USP13: variants seen among roughly 807,000 people sequenced by gnomAD.
USP13 encodes ubiquitin carboxyl-terminal hydrolase 13.
In USP13, 68 loss-of-function variants were observed where a neutral mutation model predicts 107.8. The ratio of observed to expected loss-of-function variants is 0.63; its 90% CI spans 0.52 to 0.77. The LOEUF is 0.77. Among genes scored for constraint, USP13 ranks in the 30% least tolerant of loss-of-function variants. The pLI is 0.00. For synonymous variants in USP13, 377 were observed against 389.5 expected (o/e 0.97, Z 0.38); for missense variants, 945 against 1,093.3 (o/e 0.86, Z 1.91).
Position 179,713,581 on chromosome 3 carries a change from C to T in USP13, c.805+4624C>T, listed in dbSNP as rs543800025. 4.6e-5 allele frequency among the ~76,000 whole-genome samples: 7 copies of T among 152,220 alleles called. 1 individual carries two copies. Among genetic ancestry groups the T allele is most frequent in the African/African-American group, 1.4e-4 (6 of 41,522 alleles). On this transcript the variant is annotated intron_variant, in intron 6 of 20. Transcript: ENST00000263966. ...TGCTGAGGGTCTGCTCTTCCACACT[C>T]GCTGGGCTCACTCAGTCCAGTTCAA...
Position 179,786,085 on chromosome 3 carries a change from T to C in USP13, c.*1944T>C, listed in dbSNP as rs1290220064. The C allele has an allele frequency of 6.6e-6, 1 of 152,198 alleles. No homozygotes were observed. The highest frequency in any genetic ancestry group is 1.9e-4 in the East Asian group (1 of 5,190). 9.4% of individuals were successfully genotyped at this position (152,198 alleles called of 1,614,324 possible). On this transcript the variant is annotated 3_prime_UTR_variant, in exon 21 of 21. Transcript: ENST00000263966. ...GGTGCAGTACTTTTCTACCAAAGTG[T>C]GCCCACTGGTGTCACCTCCTAATGT... is the stretch of plus-strand genomic sequence containing the variant.
chr3:179,725,278 A>G (rs1210258799), intron 8 of USP13, among the ~76,000 whole-genome samples: 1 of 152,006 alleles, frequency 6.6e-6, no homozygotes, highest in Admixed American at 6.5e-5. Context: ...CCTATTCATT[A>G]GTGTTCATCT....
intron 15 of USP13, among the ~76,000 whole-genome samples, chr3:179,755,683 T>C (rs1714766424): frequency 6.6e-6 from 1 of 152,264 alleles, no homozygotes; most frequent in Non-Finnish European, 1.5e-5. Flanking sequence ...AAATCTTGGT[T>C]TAACTATTAG....
At chr3:179,769,693 G>A (rs1715286472) in intron 19 of USP13, among the ~76,000 whole-genome samples, 2 of 152,154 alleles carry the variant, frequency 1.3e-5, no homozygotes, top group South Asian at 4.1e-4. Flanking sequence ...ACAGGTGTGA[G>A]CCACTGCGCC....
At position 179,653,814 on chromosome 3, in the gene USP13, A is replaced by G. The variant is rs982321470; in HGVS notation, c.168+421A>G. ...ACACAGCCCTTCTTTTTCTGGGACC[A>G]CTTGCTTTGCTCAGGGATCCCCACT... On this transcript the variant is annotated intron_variant, in intron 1 of 20. Transcript: ENST00000263966. The surrounding 1 kb of genome is among the most constrained non-coding windows in gnomAD (Gnocchi z 4.0). The G allele has an allele frequency of 6.1e-6, 1 of 163,174 alleles. No homozygotes were observed. Among genetic ancestry groups the G allele is most frequent in the African/African-American group, 2.4e-5 (1 of 41,730 alleles). The allele number at this position is 163,174 out of a possible 1,614,324, so 10.1% of individuals were successfully genotyped here.
chr3:179,754,933 G>T lies in USP13; in HGVS notation c.1921+79G>T, dbSNP rs546524669. On this transcript the variant is annotated intron_variant, in intron 15 of 20. Transcript: ENST00000263966. ...AACAGTCTCTTTCTTCCACCACTGT[G>T]TTGCTGCTACCACCACCACCCATTG... 6 of 1,484,984 alleles carry T rather than the reference G, an allele frequency of 4.0e-6. No individual in the cohort carries two copies. The South Asian group carries it at 7.1e-5, about 18-fold the overall frequency. The allele number at this position is 1,484,984 out of a possible 1,614,324, so 92.0% of individuals were successfully genotyped here. A position where few individuals can be genotyped will look rare whatever the true frequency, so the allele number is the denominator to read the frequency against.
At chr3:179,761,505 C>T (rs377199183) in intron 17 of USP13, among the ~76,000 whole-genome samples, 4 of 151,950 alleles carry the variant, frequency 2.6e-5, no homozygotes, top group South Asian at 4.1e-4. Context: ...AGGCGGATCA[C>T]GAAGTCAAGA....
intron 19 of USP13, among the ~76,000 whole-genome samples, chr3:179,768,242 A>T (rs976603590): frequency 3.9e-5 from 6 of 152,238 alleles, no homozygotes; most frequent in Non-Finnish European, 8.8e-5. Flanking sequence ...GTTTGGCTGC[A>T]GAGGGAAGGC....
intron 6 of USP13, among the ~76,000 whole-genome samples, chr3:179,717,504 G>C (rs1460337740): frequency 6.6e-6 from 1 of 152,146 alleles, no homozygotes. Context: ...AGGGCTGTGT[G>C]GTTTTCACTT....
Position 179,761,051 on chromosome 3 carries a change from A to G in USP13, c.1949-61A>G, listed in dbSNP as rs907848521. ...GCATGTGGATAGGAGAGTGGAGAGT[A>G]GCTAAGACAAGAAGCGACAGTTTCC... On this transcript the variant is annotated intron_variant, in intron 16 of 20. Coordinates refer to ENST00000263966, the MANE Select transcript of USP13 (RefSeq NM_003940.3). 7 of 1,601,208 alleles carry G rather than the reference A, an allele frequency of 4.4e-6. No homozygotes were observed. In the African/African-American group the frequency reaches 5.4e-5, roughly 12 times the overall value.
Position 179,742,355 on chromosome 3 carries a change from C to T in USP13, c.1534+5C>T. On this transcript the variant is annotated splice_donor_5th_base_variant and intron_variant, in intron 12 of 20. Coordinates refer to ENST00000263966, the MANE Select transcript of USP13 (RefSeq NM_003940.3). This position sits in a 1 kb window ranked among gnomAD's most constrained non-coding sequence, Gnocchi z 5.0. ...TGGAGGCGGCAACCAACAAGGGTAA[C>T]AATTCCAAAGCGGGAAATTGGTACT... The T allele has an allele frequency of 6.2e-7, 1 of 1,614,158 alleles. No individual in the cohort carries two copies. Among genetic ancestry groups the T allele is most frequent in the Non-Finnish European group, 8.5e-7 (1 of 1,179,992 alleles).
At chr3:179,755,341 C>A (rs973435053) in intron 15 of USP13, among the ~76,000 whole-genome samples, 2 of 152,070 alleles carry the variant, frequency 1.3e-5, no homozygotes, top group African/African-American at 4.8e-5. Context: ...GTTGCCCAGG[C>A]TGGAGTGCAG....
intron 4 of USP13, among the ~76,000 whole-genome samples, chr3:179,701,986 CT>C (rs934304934): frequency 9.2e-5 from 14 of 151,822 alleles, no homozygotes; most frequent in Non-Finnish European, 5.9e-5. Flanking sequence ...GTCCTCTTTC[CT>C]TTTTTTTGTT....
rs903294341 is a variant in USP13, at chr3:179,770,637, G to A, written c.2413+4789G>A. Among the ~76,000 whole-genome samples the A allele has an allele frequency of 6.0e-5, 9 of 150,246 alleles. No homozygotes were observed. In the East Asian group the frequency reaches 1.8e-3, roughly 29 times the overall value. On this transcript the variant is annotated intron_variant, in intron 19 of 20. Transcript: ENST00000263966. ...TTTTTTTTTTTTGAGATGGAGTCTC[G>A]CTCTGTCGCCAGGCTGGAGTGCAGT...
At chr3:179,684,312 C>CACAA (rs1711787068) in intron 2 of USP13, among the ~76,000 whole-genome samples, 1 of 141,672 alleles carries the variant, frequency 7.1e-6, no homozygotes, top group Non-Finnish European at 1.5e-5. Context: ...CACACACACA[C>CACAA]ATTTTGTTTG....
chr3:179,667,434 G>T (rs1209294056), intron 1 of USP13, among the ~76,000 whole-genome samples: 1 of 152,162 alleles, frequency 6.6e-6, no homozygotes, highest in Non-Finnish European at 1.5e-5. Flanking sequence ...GACTCTAAAA[G>T]GTGTACTGTT....
intron 19 of USP13, among the ~76,000 whole-genome samples, chr3:179,772,972 G>GT (rs1311484640): frequency 1.3e-5 from 2 of 152,138 alleles, no homozygotes; most frequent in Admixed American, 6.5e-5. Flanking sequence ...CTCCCACACT[G>GT]TTTTTTCTCA....
At chr3:179,752,580 G>T (rs1453002020) in intron 14 of USP13, among the ~76,000 whole-genome samples, 1 of 152,166 alleles carries the variant, frequency 6.6e-6, no homozygotes, top group South Asian at 2.1e-4. Context: ...TATGGTTTCT[G>T]GAATGACCAA....
chr3:179,704,623 C>G (rs940568118), intron 4 of USP13, among the ~76,000 whole-genome samples: 3 of 152,134 alleles, frequency 2.0e-5, no homozygotes, highest in Admixed American at 6.6e-5. Flanking sequence ...TGGCATGTCC[C>G]AAACCCATAA....
Sources: gnomAD v4.1 joint callset for allele counts (sites outside exome capture counted in the v4.1 genomes callset) on GRCh38, gnomAD v4.1.1 for gene constraint, Gnocchi (gnomAD v3.1) non-coding constraint, MANE v1.5 for transcripts, NCBI Gene and HGNC (gene_info 2026-07-23, HGNC 2026-07-21) for gene names.